Variants in SEMA3E observed in about 807,000 individuals in gnomAD.
SEMA3E encodes the protein semaphorin 3E.
SEMA3E carries 49 observed loss-of-function variants against 93.6 expected under a neutral mutation model. The ratio of observed to expected loss-of-function variants is 0.52; its 90% CI spans 0.42 to 0.66. SEMA3E has a LOEUF of 0.66. SEMA3E is among the 30% of genes least tolerant of loss of function. The pLI, the probability that SEMA3E is intolerant of heterozygous loss-of-function variation, is 0.00. For synonymous variants in SEMA3E, 363 were observed against 330.7 expected (o/e 1.10, Z -1.06); for missense variants, 906 against 964.8 (o/e 0.94, Z 0.81).
At position 83,363,910 on chromosome 7, in the gene SEMA3E, C is replaced by T. The variant is rs1407370513; in HGVS notation, c.*3676G>A. 1 of 98,524 alleles carries T rather than the reference C, an allele frequency of 1.0e-5. No individual in the cohort carries two copies. The highest frequency in any genetic ancestry group is 1.8e-5 in the Non-Finnish European group (1 of 56,500). The allele number at this position is 98,524 out of a possible 1,614,324, so 6.1% of individuals were successfully genotyped here. On this transcript the variant is annotated 3_prime_UTR_variant, in exon 17 of 17. Transcript: ENST00000643230. ...TTTTTTTTTTTTTTTTTTTTTGAGA[C>T]GGAGTCTCGCTCTGTCGCCCAGGCC... is the stretch of plus-strand genomic sequence containing the variant.
At chr7:83,427,196 CCTT>C (rs1029456460) in intron 4 of SEMA3E, among the ~76,000 whole-genome samples, 27 of 152,026 alleles carry the variant, frequency 1.8e-4, no homozygotes, top group Non-Finnish European at 3.2e-4. Flanking sequence ...TCCTTCCTTT[CCTT>C]CTTTTTTTCT....
chr7:83,514,727 A>C (rs1377179689), intron 1 of SEMA3E, among the ~76,000 whole-genome samples: 1 of 152,116 alleles, frequency 6.6e-6, no homozygotes, highest in Non-Finnish European at 1.5e-5. Context: ...CTAAAGGGGA[A>C]AAAAAGCAAA....
At chr7:83,428,352 C>T (rs1202348508) in intron 4 of SEMA3E, among the ~76,000 whole-genome samples, 1 of 151,642 alleles carries the variant, frequency 6.6e-6, no homozygotes, top group Non-Finnish European at 1.5e-5. Flanking sequence ...CAGGACAAAA[C>T]AAACAATCAT....
intron 1 of SEMA3E, among the ~76,000 whole-genome samples, chr7:83,615,923 T>C (rs1226356527): frequency 6.6e-6 from 1 of 152,058 alleles, no homozygotes; most frequent in African/African-American, 2.4e-5. Flanking sequence ...TACACAGAAT[T>C]TTTTCATCAG....
In SEMA3E at chr7:83,619,757, A is replaced by G. The variant is rs567408964; in HGVS notation, c.115+28671T>C. 1.3e-5 allele frequency among the ~76,000 whole-genome samples: 2 copies of G among 152,024 alleles called. 1 individual carries two copies. The highest frequency in any genetic ancestry group is 4.8e-5 in the African/African-American group (2 of 41,534). ...CTCACTACATATTTTAAAAGGAGAG[A>G]CAAAATGAAAGTACATAAATTAGAA... On this transcript the variant is annotated intron_variant, in intron 1 of 16. Transcript: ENST00000643230.
intron 14 of SEMA3E, among the ~76,000 whole-genome samples, chr7:83,388,233 C>T (rs1250564813): frequency 2.0e-5 from 3 of 148,476 alleles, no homozygotes; most frequent in South Asian, 2.1e-4. Context: ...CGCCTGAAAC[C>T]GGGAGGTGAA....
intron 1 of SEMA3E, among the ~76,000 whole-genome samples, chr7:83,564,915 T>C (rs1170277791): frequency 1.3e-5 from 2 of 152,122 alleles, no homozygotes; most frequent in Non-Finnish European, 2.9e-5. Flanking sequence ...GTGCTGGTTT[T>C]TTGAAAAAAT....
intron 1 of SEMA3E, among the ~76,000 whole-genome samples, chr7:83,605,085 T>A (rs892315489): frequency 1.3e-5 from 2 of 152,218 alleles, no homozygotes; most frequent in Non-Finnish European, 2.9e-5. Context: ...ACTGCTGCAA[T>A]AAGCATATGT....
chr7:83,642,033 T>C (rs1033353803), intron 1 of SEMA3E, among the ~76,000 whole-genome samples: 1 of 152,148 alleles, frequency 6.6e-6, no homozygotes, highest in Non-Finnish European at 1.5e-5. Flanking sequence ...ATCCAAAGTC[T>C]AGGGGGTTTT....
rs189529474 is a variant in SEMA3E at position 83,524,648 on chromosome 7, A to T, written c.116-34374T>A. Among the ~76,000 whole-genome samples the T allele has an allele frequency of 1.9e-3, 287 of 152,278 alleles. 1 individual carries two copies. The highest frequency in any genetic ancestry group is 6.3e-3 in the Admixed American group (97 of 15,282). On this transcript the variant is annotated intron_variant, in intron 1 of 16. Coordinates refer to ENST00000643230, the MANE Select transcript of SEMA3E (RefSeq NM_012431.3). ...AAAAAAAGTTATACATGATATAAAT[A>T]TGGCTTTTTCCTTCTTTCTGATCTA...
intron 4 of SEMA3E, among the ~76,000 whole-genome samples, chr7:83,431,416 A>G (rs1367170111): frequency 6.6e-6 from 1 of 152,108 alleles, no homozygotes. Flanking sequence ...GTAAGTTAAA[A>G]AAATAATATA....
chr7:83,606,433 TA>T (rs1283237694), intron 1 of SEMA3E, among the ~76,000 whole-genome samples: 1 of 151,116 alleles, frequency 6.6e-6, no homozygotes, highest in African/African-American at 2.4e-5. Flanking sequence ...TATGCAGCCA[TA>T]AAAAATGATG....
chr7:83,614,118 T>C (rs1793318956), intron 1 of SEMA3E, among the ~76,000 whole-genome samples: 1 of 152,094 alleles, frequency 6.6e-6, no homozygotes, highest in South Asian at 2.1e-4. Context: ...CTCAAGTAAT[T>C]AATAATTGCA....
At chr7:83,371,781 A>G (rs1794752388) in intron 16 of SEMA3E, 1 of 152,054 alleles carries the variant, frequency 6.6e-6, no homozygotes, top group African/African-American at 2.4e-5. Flanking sequence ...TTTTTCCCTT[A>G]AATAAACTCC....
At chr7:83,541,801 T>C (rs10258397) in intron 1 of SEMA3E, among the ~76,000 whole-genome samples, 33,507 of 151,976 alleles carry the variant, frequency 0.22, 3,879 homozygotes, top group East Asian at 0.39. Context: ...GGATGCTGGC[T>C]GAAACACACA....
intron 1 of SEMA3E, among the ~76,000 whole-genome samples, chr7:83,561,547 GGCTGCTTTGAGTTAA>G (rs1352631281): frequency 1.3e-5 from 2 of 151,940 alleles, no homozygotes; most frequent in Admixed American, 1.3e-4. Flanking sequence ...AGGAATCAAT[GGCTGCTTTGAGTTAA>G]GCTGCTTTTT....
intron 2 of SEMA3E, among the ~76,000 whole-genome samples, chr7:83,471,042 G>T: frequency 6.6e-6 from 1 of 151,630 alleles, no homozygotes; most frequent in Non-Finnish European, 1.5e-5. Context: ...TACATCATTA[G>T]TTCTGTTAAA....
chr7:83,620,121 G>A (rs1793520515), intron 1 of SEMA3E, among the ~76,000 whole-genome samples: 2 of 151,808 alleles, frequency 1.3e-5, no homozygotes, highest in Admixed American at 1.3e-4. Flanking sequence ...AGCTCAGAAT[G>A]AATAAAGTGA....
chr7:83,384,157 C>T (rs1035654321), intron 16 of SEMA3E, among the ~76,000 whole-genome samples: 3 of 151,876 alleles, frequency 2.0e-5, no homozygotes, highest in Non-Finnish European at 4.4e-5. Context: ...TAATTATCTC[C>T]CAGAATGTAC....
Sources: gnomAD v4.1 joint callset for allele counts (sites outside exome capture counted in the v4.1 genomes callset) on GRCh38, gnomAD v4.1.1 for gene constraint, MANE v1.5 for transcripts, NCBI Gene and HGNC (gene_info 2026-07-23, HGNC 2026-07-21) for gene names.